DYM: variants seen among roughly 807,000 people sequenced by gnomAD.
DYM encodes the protein dymeclin.
A neutral mutation model predicts 93.1 loss-of-function variants in DYM; 78 were observed. The ratio of observed to expected loss-of-function variants is 0.84; its 90% CI spans 0.70 to 1.01. DYM has a LOEUF of 1.01. Among genes scored for constraint, DYM ranks in the 50% least tolerant of loss-of-function variants. The pLI is 0.00. For synonymous variants in DYM, 321 were observed against 319.7 expected, an observed-to-expected ratio of 1.00 and a Z score of -0.04; for missense variants, 789 against 845.0, an observed-to-expected ratio of 0.93 and a Z score of 0.82.
chr18:49,327,605 C>A (rs571607318), intron 8 of DYM, among the ~76,000 whole-genome samples: 4 of 152,134 alleles, frequency 2.6e-5, no homozygotes, highest in Non-Finnish European at 5.9e-5. Context: ...GATCCACCCA[C>A]GTCAGCCTCC....
intron 13 of DYM, among the ~76,000 whole-genome samples, chr18:49,215,434 T>G (rs183504676): frequency 6.6e-6 from 1 of 152,190 alleles, no homozygotes; most frequent in Admixed American, 6.5e-5. Context: ...AGACAAAATC[T>G]TGTTAGTTTT....
At position 49,041,614 on chromosome 18, in the gene DYM, C is replaced by T. The variant is rs2070930813; in HGVS notation, c.*2441G>A. On this transcript the variant is annotated 3_prime_UTR_variant, in exon 18 of 18. Coordinates refer to ENST00000675505, the MANE Select transcript of DYM (RefSeq NM_001353214.3). ...CCTGAGCGGGAACCAGGACTGGGAG[C>T]ATCACTTGCAGGCCTCCATGGAGGC... 1 of 152,218 alleles carries T rather than the reference C, an allele frequency of 6.6e-6. No individual in the cohort carries two copies. The highest frequency in any genetic ancestry group is 1.5e-5 in the Non-Finnish European group (1 of 68,056). 9.4% of individuals were successfully genotyped at this position (152,218 alleles called of 1,614,324 possible).
chr18:49,056,558 G>C (rs1257821502), intron 17 of DYM, among the ~76,000 whole-genome samples: 1 of 152,138 alleles, frequency 6.6e-6, no homozygotes, highest in East Asian at 1.9e-4. Flanking sequence ...TATTTTTAAA[G>C]ACAGAGTCTC....
At chr18:49,156,422 C>T (rs937316831) in intron 15 of DYM, among the ~76,000 whole-genome samples, 3 of 151,698 alleles carry the variant, frequency 2.0e-5, no homozygotes, top group Admixed American at 1.3e-4. Context: ...ACCACGCCCC[C>T]CCCTCAAAAA....
rs902181270 is a variant in DYM at position 49,039,816 on chromosome 18, T to A, written c.*4239A>T. Among the ~76,000 whole-genome samples the A allele has an allele frequency of 1.3e-5, 2 of 152,272 alleles. No homozygotes were observed. Among genetic ancestry groups the A allele is most frequent in the Middle Eastern group, 3.2e-3 (1 of 316 alleles). ...TTTTTTTGAACACAGTAACCATAGC[T>A]GTTTTAAATTCTGCGACAACTTTAT... On this transcript the variant is annotated 3_prime_UTR_variant, in exon 18 of 18. Coordinates refer to ENST00000675505, the MANE Select transcript of DYM (RefSeq NM_001353214.3).
chr18:49,331,820 A>C, intron 8 of DYM, 44 bp downstream of exon 8: 1 of 1,611,820 alleles, frequency 6.2e-7, no homozygotes, highest in South Asian at 1.1e-5. Flanking sequence ...AAATAGATAA[A>C]ATTTATGTGC....
intron 5 of DYM, chr18:49,368,679 C>T (rs980411827): frequency 1.3e-5 from 2 of 152,128 alleles, no homozygotes; most frequent in South Asian, 2.1e-4. Flanking sequence ...AACCTGCTGC[C>T]GTGGCAGCCG....
chr18:49,240,403 A>C (rs991190534), intron 13 of DYM, among the ~76,000 whole-genome samples: 6 of 152,322 alleles, frequency 3.9e-5, no homozygotes, highest in Middle Eastern at 3.4e-3. Context: ...TTTAATAATA[A>C]ACACATTACA....
At chr18:49,250,097 T>G (rs2094253729) in intron 13 of DYM, among the ~76,000 whole-genome samples, 1 of 152,210 alleles carries the variant, frequency 6.6e-6, no homozygotes, top group Non-Finnish European at 1.5e-5. Context: ...CAGATGCTAA[T>G]CAACTTGCAT....
intron 8 of DYM, among the ~76,000 whole-genome samples, chr18:49,317,697 C>T (rs2062121957): frequency 6.9e-6 from 1 of 145,132 alleles, no homozygotes. Flanking sequence ...TCCTTTCTTT[C>T]TTTCTTTCAA....
At chr18:49,379,909 A>G (rs1363604099) in intron 3 of DYM, 151 bp from the exon 4 acceptor site, 2 of 658,750 alleles carry the variant, frequency 3.0e-6, no homozygotes, top group Non-Finnish European at 5.3e-6. Context: ...GAACTAAGCA[A>G]TGAGAGAAAC....
intron 15 of DYM, among the ~76,000 whole-genome samples, chr18:49,158,158 A>G (rs1600218838): frequency 6.6e-6 from 1 of 152,104 alleles, no homozygotes; most frequent in South Asian, 2.1e-4. Flanking sequence ...CTGCCACAGT[A>G]CCTCCCCTTC....
chr18:49,247,451 C>T (rs1346725290), intron 13 of DYM, among the ~76,000 whole-genome samples: 1 of 152,058 alleles, frequency 6.6e-6, no homozygotes, highest in Non-Finnish European at 1.5e-5. Flanking sequence ...ATCTTACAAC[C>T]TTCATAAAAA....
At chr18:49,081,484 G>A (rs965087663) in intron 17 of DYM, among the ~76,000 whole-genome samples, 38 of 149,368 alleles carry the variant, frequency 2.5e-4, no homozygotes, top group Middle Eastern at 3.5e-3. Flanking sequence ...GGCATCAGAG[G>A]GAGACCGTGG....
At position 49,038,824 on chromosome 18, in the gene DYM, G is replaced by A. The variant is rs1192073533; in HGVS notation, c.*5231C>T. Among the ~76,000 whole-genome samples the A allele has an allele frequency of 6.6e-6, 1 of 152,172 alleles. No individual in the cohort carries two copies. Among genetic ancestry groups the A allele is most frequent in the East Asian group, 1.9e-4 (1 of 5,202 alleles). On this transcript the variant is annotated 3_prime_UTR_variant, in exon 18 of 18. Transcript: ENST00000675505. ...CTCAAATATTATCATGCATACATGAGTTATCAAAGACTAATATTAAATGAA... is the reference window on the plus strand; with the variant it reads ...CTCAAATATTATCATGCATACATGAATTATCAAAGACTAATATTAAATGAA...
chr18:49,425,474 A>G (rs2074182340), intron 2 of DYM, among the ~76,000 whole-genome samples: 1 of 152,176 alleles, frequency 6.6e-6, no homozygotes, highest in Non-Finnish European at 1.5e-5. Context: ...CATTCAGGAC[A>G]TAGGCATGGG....
chr18:49,110,319 C>T (rs2081276368), intron 16 of DYM, among the ~76,000 whole-genome samples: 2 of 152,126 alleles, frequency 1.3e-5, no homozygotes, highest in South Asian at 4.1e-4. Flanking sequence ...TTTTGGAGCT[C>T]TTAATTTCTT....
At chr18:49,231,623 G>T (rs1240542104) in intron 13 of DYM, among the ~76,000 whole-genome samples, 1 of 152,202 alleles carries the variant, frequency 6.6e-6, no homozygotes, top group Non-Finnish European at 1.5e-5. Context: ...ACATGAACGA[G>T]TTGCCACATT....
intron 8 of DYM, among the ~76,000 whole-genome samples, chr18:49,302,214 ACT>A (rs1481744839): frequency 1.3e-5 from 2 of 152,114 alleles, no homozygotes; most frequent in African/African-American, 4.8e-5. Flanking sequence ...CATTACCAAG[ACT>A]CTCTGAAATA....
Sources: gnomAD v4.1 joint callset for allele counts (sites outside exome capture counted in the v4.1 genomes callset) on GRCh38, gnomAD v4.1.1 for gene constraint, MANE v1.5 for transcripts, NCBI Gene and HGNC (gene_info 2026-07-23, HGNC 2026-07-21) for gene names.